OSBPL10: variants seen among roughly 807,000 people sequenced by gnomAD.
OSBPL10 encodes oxysterol-binding protein-related protein 10.
In OSBPL10, 49 loss-of-function variants were observed where a neutral mutation model predicts 81.7. That is an observed-to-expected ratio of 0.60 (90% CI 0.48 to 0.76). The LOEUF is 0.76. Ranked by LOEUF, OSBPL10 falls within the 30% of genes least tolerant of loss-of-function variation. OSBPL10 has a pLI of 0.00. For missense variants in OSBPL10, 923 were observed against 987.8 expected (o/e 0.93, Z 0.88); for synonymous variants, 419 against 383.6 (o/e 1.09, Z -1.08).
chr3:31,676,885 G>C (rs9816137), intron 8 of OSBPL10, among the ~76,000 whole-genome samples: 1 of 152,088 alleles, frequency 6.6e-6, no homozygotes, highest in East Asian at 1.9e-4. Flanking sequence ...GAACAGTGTC[G>C]GCTCTCACTG....
At chr3:31,842,945 G>A (rs534342827) in intron 3 of OSBPL10, among the ~76,000 whole-genome samples, 1 of 152,286 alleles carries the variant, frequency 6.6e-6, no homozygotes, top group East Asian at 1.9e-4. Context: ...TTTGATTTAG[G>A]TTTAGATACA....
intron 8 of OSBPL10, 133 bp from the exon 9 acceptor site, chr3:31,671,116 C>A: frequency 4.7e-6 from 4 of 843,570 alleles, no homozygotes; most frequent in South Asian, 2.1e-5. Flanking sequence ...CAGAGGTGAG[C>A]TGCTCGTTCA....
chr3:31,865,975 A>G (rs1366982284), intron 3 of OSBPL10, among the ~76,000 whole-genome samples: 1 of 152,182 alleles, frequency 6.6e-6, no homozygotes, highest in Non-Finnish European at 1.5e-5. Context: ...TGGTAACCAC[A>G]TGGTTTCAGA....
intron 6 of OSBPL10, among the ~76,000 whole-genome samples, chr3:31,703,108 A>AC (rs1475369548): frequency 1.3e-5 from 2 of 152,244 alleles, no homozygotes; most frequent in Non-Finnish European, 2.9e-5. Context: ...ACTGGGATTC[A>AC]CACTGGCCAA....
chr3:31,867,536 G>A (rs1701209956), intron 3 of OSBPL10, among the ~76,000 whole-genome samples: 1 of 152,160 alleles, frequency 6.6e-6, no homozygotes, highest in South Asian at 2.1e-4. Flanking sequence ...GAGGTCGGAA[G>A]TTTGAGACTA....
chr3:31,793,891 C>T (rs533333679), intron 4 of OSBPL10, among the ~76,000 whole-genome samples: 1 of 152,264 alleles, frequency 6.6e-6, no homozygotes, highest in East Asian at 1.9e-4. Context: ...CAACAAATGA[C>T]AATTAAAATA....
At chr3:32,004,439 GAC>G (rs1404297775) in intron 2 of OSBPL10, among the ~76,000 whole-genome samples, 3 of 152,204 alleles carry the variant, frequency 2.0e-5, no homozygotes, top group Admixed American at 6.5e-5. Context: ...AGATGGGGAA[GAC>G]AACTGTTAAG....
At chr3:31,852,890 GTTTGT>G (rs1249330965) in intron 3 of OSBPL10, among the ~76,000 whole-genome samples, 3 of 152,040 alleles carry the variant, frequency 2.0e-5, no homozygotes, top group Non-Finnish European at 4.4e-5. Flanking sequence ...TTCCTGTTTT[GTTTGT>G]TTTAACACAT....
chr3:31,989,046 G>A (rs761026422), intron 2 of OSBPL10: 1 of 1,611,516 alleles, frequency 6.2e-7, no homozygotes, highest in Non-Finnish European at 8.5e-7. Context: ...CTCAGTGAAG[G>A]TCACACTGCA....
At chr3:31,783,099 T>C (rs1698739586) in intron 4 of OSBPL10, among the ~76,000 whole-genome samples, 1 of 139,310 alleles carries the variant, frequency 7.2e-6, no homozygotes, top group Non-Finnish European at 1.5e-5. Flanking sequence ...TATATCTATA[T>C]CAATATATCT....
At chr3:31,890,467 G>A (rs1028971506) in intron 1 of OSBPL10, among the ~76,000 whole-genome samples, 6 of 152,024 alleles carry the variant, frequency 3.9e-5, no homozygotes, top group African/African-American at 1.4e-4. Flanking sequence ...GCATTATGAA[G>A]GTGCTCACTT....
At chr3:31,924,255 T>G in intron 1 of OSBPL10, among the ~76,000 whole-genome samples, 1 of 148,038 alleles carries the variant, frequency 6.8e-6, no homozygotes. Context: ...AAAAAAGAAA[T>G]ATATTTGTCT....
At chr3:31,922,266 T>C (rs555723494) in intron 1 of OSBPL10, among the ~76,000 whole-genome samples, 62 of 152,330 alleles carry the variant, frequency 4.1e-4, no homozygotes, top group African/African-American at 1.4e-3. Context: ...ATGTTAATAA[T>C]AGAGAAACTG....
At chr3:31,878,628 A>AG (rs1479775679) in intron 2 of OSBPL10, among the ~76,000 whole-genome samples, 1 of 152,220 alleles carries the variant, frequency 6.6e-6, no homozygotes, top group African/African-American at 2.4e-5. Context: ...GTAGTCCCTC[A>AG]GTCTGACTTT....
intron 1 of OSBPL10, among the ~76,000 whole-genome samples, chr3:32,069,158 A>G (rs965261335): frequency 5.3e-5 from 8 of 151,852 alleles, no homozygotes; most frequent in Non-Finnish European, 8.8e-5. Context: ...TTCTCATCAG[A>G]CCCCACTAAA....
chr3:31,971,533 A>G (rs933144263), intron 1 of OSBPL10, among the ~76,000 whole-genome samples: 1 of 152,168 alleles, frequency 6.6e-6, no homozygotes, highest in African/African-American at 2.4e-5. Flanking sequence ...CAGACACCAT[A>G]TTATCCCCAT....
At chr3:31,806,760 A>C (rs1699531289) in intron 4 of OSBPL10, among the ~76,000 whole-genome samples, 1 of 141,198 alleles carries the variant, frequency 7.1e-6, no homozygotes, top group South Asian at 2.2e-4. Context: ...TGTGAGGAGG[A>C]GGCATTTGGA....
intron 5 of OSBPL10, among the ~76,000 whole-genome samples, chr3:31,743,629 A>G (rs556914777): frequency 4.0e-5 from 6 of 151,880 alleles, no homozygotes; most frequent in Non-Finnish European, 8.8e-5. Flanking sequence ...ACACAAGATC[A>G]TAAATCATTT....
At chr3:31,671,539 G>A (rs73066053) in intron 8 of OSBPL10, among the ~76,000 whole-genome samples, 4 of 152,230 alleles carry the variant, frequency 2.6e-5, no homozygotes, top group Non-Finnish European at 5.9e-5. Flanking sequence ...GAAGAGTTCT[G>A]CCTTTATCCT....
Sources: gnomAD v4.1 joint callset for allele counts (sites outside exome capture counted in the v4.1 genomes callset) on GRCh38, gnomAD v4.1.1 for gene constraint, MANE v1.5 for transcripts, NCBI Gene and HGNC (gene_info 2026-07-23, HGNC 2026-07-21) for gene names.